POT1: variants seen among roughly 807,000 people sequenced by gnomAD.
The protein encoded by POT1 is protection of telomeres protein 1.
Under a neutral mutation model 78.5 loss-of-function variants are expected in POT1, and 47 were observed. The observed-to-expected ratio is 0.60, with a 90% CI of 0.47 to 0.76. POT1 has a LOEUF of 0.76. Among genes scored for constraint, POT1 ranks in the 30% least tolerant of loss-of-function variants. The pLI is 0.00. For missense variants in POT1, 646 were observed against 749.9 expected, an observed-to-expected ratio of 0.86 and a Z score of 1.62; for synonymous variants, 259 against 260.7, an observed-to-expected ratio of 0.99 and a Z score of 0.06.
chr7:124,928,740 CATAA>C (rs1380887754), intron 2 of POT1, 71 bp downstream of exon 2: 2 of 152,626 alleles, frequency 1.3e-5, no homozygotes, highest in African/African-American at 4.8e-5. Context: ...AACCAGTTCT[CATAA>C]ATAAACTCAA....
At chr7:124,858,843 T>A in intron 9 of POT1, 114 bp downstream of exon 9, 1 of 572,658 alleles carries the variant, frequency 1.7e-6, no homozygotes, top group Non-Finnish European at 2.7e-6. Flanking sequence ...GAAATAAATA[T>A]AATTTCTAGA....
In POT1 at chr7:124,897,270, T is replaced by C. The variant is rs1022628977; in HGVS notation, c.-39-58A>G. Reference sequence around the variant, plus strand: ...ACAGATAACCTCCAATGTGATTACATGCTTTTAGTTGTAGTAAAAGTACAC... The same window carrying C: ...ACAGATAACCTCCAATGTGATTACACGCTTTTAGTTGTAGTAAAAGTACAC... On this transcript the variant is annotated intron_variant, in intron 4 of 18. Transcript: ENST00000357628. 4 of 629,898 alleles carry C rather than the reference T, an allele frequency of 6.4e-6. No individual in the cohort carries two copies. In the East Asian group the frequency reaches 9.2e-5, roughly 15 times the overall value. 39.0% of individuals were successfully genotyped at this position (629,898 alleles called of 1,614,324 possible). A position where few individuals can be genotyped will look rare whatever the true frequency, so the allele number is the denominator to read the frequency against.
rs780385525 is a variant in POT1 at position 124,835,379 on chromosome 7, T to C, written c.1405A>G (p.Lys469Glu). The change falls in exon 15 of 19, where the codon AAG becomes GAG. Residue 469 changes from lysine to glutamate, a missense_variant. Physicochemically the swap from Lys to Glu is moderately conservative, Grantham distance 56 (BLOSUM62 1). Coordinates refer to ENST00000357628, the MANE Select transcript of POT1 (RefSeq NM_015450.3). ...CTCACAGGAATTACACTATTAAACTTGTTCGAGAGTTTGCAAATTTCACTG... is the reference window on the plus strand; with the variant it reads ...CTCACAGGAATTACACTATTAAACTCGTTCGAGAGTTTGCAAATTTCACTG... ...TLSEICKLSN[K>E]FNSVIPVRSG... is the part of the protein sequence containing the mutation. The C allele has an allele frequency of 6.2e-7, 1 of 1,613,808 alleles. No individual in the cohort carries two copies. The highest frequency in any genetic ancestry group is 1.7e-5 in the Admixed American group (1 of 60,002).
intron 15 of POT1, among the ~76,000 whole-genome samples, chr7:124,831,557 C>T (rs1794758584): frequency 6.6e-6 from 1 of 152,064 alleles, no homozygotes; most frequent in Non-Finnish European, 1.5e-5. Flanking sequence ...TTATGACCCA[C>T]TGAACTCATT....
rs543163281 is a variant in POT1, at chr7:124,825,378, GA to G, written c.1687-22del. ...TTGTCCTTAAAAATGTTTCATGAGA[GA>G]AAAAAAAAGGAAATAATATTAATCC... is the stretch of plus-strand genomic sequence containing the variant. On this transcript the variant is annotated intron_variant, in intron 17 of 18. Transcript: ENST00000357628. 314 of 1,376,436 alleles carry G rather than the reference GA, an allele frequency of 2.3e-4. 1 individual carries two copies. Among genetic ancestry groups the G allele is most frequent in the East Asian group, 1.5e-3 (64 of 42,034 alleles). The allele number at this position is 1,376,436 out of a possible 1,614,324, so 85.3% of individuals were successfully genotyped here.
intron 6 of POT1, among the ~76,000 whole-genome samples, chr7:124,874,954 A>C (rs1369078750): frequency 2.0e-5 from 3 of 152,020 alleles, no homozygotes; most frequent in Admixed American, 2.0e-4. Flanking sequence ...CCAAAAAAAA[A>C]CCCTAAAAAT....
chr7:124,852,218 A>G (rs887758661), intron 10 of POT1, among the ~76,000 whole-genome samples: 4 of 152,182 alleles, frequency 2.6e-5, no homozygotes, highest in African/African-American at 7.2e-5. Flanking sequence ...TAGCATTCTG[A>G]GTCAGAACAA....
intron 3 of POT1, among the ~76,000 whole-genome samples, chr7:124,908,278 T>C (rs1796812035): frequency 6.6e-6 from 1 of 152,050 alleles, no homozygotes; most frequent in South Asian, 2.1e-4. Context: ...AATGTTTCTC[T>C]ATAAAAATGT....
intron 6 of POT1, among the ~76,000 whole-genome samples, chr7:124,877,869 AG>A (rs1796028823): frequency 1.3e-5 from 2 of 149,682 alleles, no homozygotes; most frequent in Non-Finnish European, 3.0e-5. Flanking sequence ...AAAAAAAAAA[AG>A]AGTGATCACT....
chr7:124,925,857 A>AG (rs971017999), intron 2 of POT1, among the ~76,000 whole-genome samples: 29 of 152,310 alleles, frequency 1.9e-4, no homozygotes, highest in African/African-American at 6.3e-4. Flanking sequence ...TACACTGGGG[A>AG]GAAGACACAC....
intron 3 of POT1, among the ~76,000 whole-genome samples, chr7:124,906,958 C>A (rs1012356992): frequency 2.6e-5 from 4 of 152,038 alleles, no homozygotes; most frequent in African/African-American, 9.7e-5. Flanking sequence ...ATGGGGTGTT[C>A]TAAGCTTCTG....
At chr7:124,885,791 A>AAAT (rs1563005225) in intron 6 of POT1, among the ~76,000 whole-genome samples, 2 of 150,954 alleles carry the variant, frequency 1.3e-5, no homozygotes, top group Admixed American at 6.6e-5. Context: ...AATAAAAATA[A>AAAT]AAATAAAATC....
At chr7:124,894,919 A>C (rs1053353730) in intron 5 of POT1, among the ~76,000 whole-genome samples, 12 of 151,700 alleles carry the variant, frequency 7.9e-5, no homozygotes, top group African/African-American at 2.2e-4. Flanking sequence ...AGCATTATGT[A>C]ATCAGGGATC....
chr7:124,872,232 G>T (rs902223170), intron 6 of POT1, among the ~76,000 whole-genome samples: 14 of 152,048 alleles, frequency 9.2e-5, no homozygotes, highest in African/African-American at 3.1e-4. Flanking sequence ...TCCATTAATG[G>T]ATGCTTAGGT....
At chr7:124,913,628 C>T (rs1282909928) in intron 3 of POT1, among the ~76,000 whole-genome samples, 1 of 151,994 alleles carries the variant, frequency 6.6e-6, no homozygotes, top group African/African-American at 2.4e-5. Flanking sequence ...GATGCTTAAT[C>T]CATTTTAGTT....
chr7:124,837,748 T>C (rs1460593338), intron 14 of POT1, among the ~76,000 whole-genome samples: 1 of 151,936 alleles, frequency 6.6e-6, no homozygotes. Flanking sequence ...CCAAATACAT[T>C]ACAAGAATGA....
chr7:124,845,632 A>AT (rs1010842259), intron 12 of POT1, among the ~76,000 whole-genome samples: 2 of 152,090 alleles, frequency 1.3e-5, no homozygotes, highest in Admixed American at 1.3e-4. Flanking sequence ...TAAATATCTT[A>AT]TTTTTCATCA....
intron 3 of POT1, among the ~76,000 whole-genome samples, chr7:124,903,267 T>A (rs183872948): frequency 6.6e-6 from 1 of 152,084 alleles, no homozygotes; most frequent in East Asian, 1.9e-4. Flanking sequence ...CTGACCATAG[T>A]TGGAAGTAAA....
At chr7:124,886,531 A>G (rs564085850) in intron 6 of POT1, among the ~76,000 whole-genome samples, 5 of 152,240 alleles carry the variant, frequency 3.3e-5, no homozygotes, top group South Asian at 4.1e-4. Context: ...AGTAGTCAAG[A>G]CATCTTGCTA....
Sources: gnomAD v4.1 joint callset for allele counts (sites outside exome capture counted in the v4.1 genomes callset) on GRCh38, gnomAD v4.1.1 for gene constraint, MANE v1.5 for transcripts, NCBI Gene and HGNC (gene_info 2026-07-23, HGNC 2026-07-21) for gene names.